Variants in ASIC4 observed in about 807,000 individuals in gnomAD.
ASIC4 encodes the protein acid sensing ion channel subunit family member 4.
Under a neutral mutation model 53.4 loss-of-function variants are expected in ASIC4, and 28 were observed. That is an observed-to-expected ratio of 0.52 (90% confidence interval 0.39 to 0.72). The LOEUF is 0.72. Among genes scored for constraint, ASIC4 ranks in the 30% least tolerant of loss-of-function variants. The pLI, the probability that ASIC4 is intolerant of heterozygous loss-of-function variation, is 0.00. For missense variants in ASIC4, 649 were observed against 729.7 expected (o/e 0.89, Z 1.27); for synonymous variants, 289 against 301.4 (o/e 0.96, Z 0.43).
intron 5 of ASIC4, among the ~76,000 whole-genome samples, chr2:219,534,788 TCCA>T (rs1695100249): frequency 1.3e-5 from 2 of 151,490 alleles, no homozygotes; most frequent in Admixed American, 6.6e-5. Context: ...CATCCATCCA[TCCA>T]TCCATCCATC....
At chr2:219,524,781 G>C (rs1694938732) in intron 1 of ASIC4, among the ~76,000 whole-genome samples, 1 of 152,214 alleles carries the variant, frequency 6.6e-6, no homozygotes, top group African/African-American at 2.4e-5. Flanking sequence ...CGCTGTGACA[G>C]AGCTCCATCC....
In ASIC4 at chr2:219,535,341, GT is replaced by G. The variant is rs141949099; in HGVS notation, c.1229+18del. 130,616 of 1,533,314 alleles carry G rather than the reference GT, an allele frequency of 0.085. 7,064 individuals are homozygous for G. The highest frequency in any genetic ancestry group is 0.11 in the African/African-American group (7,126 of 66,254). The allele number at this position is 1,533,314 out of a possible 1,614,324, so 95.0% of individuals were successfully genotyped here. ...CTACATACGGTATGTGTGTGTGTGT[GT>G]GGGGGGTGGCTGTGTGACTCTGTGT... On this transcript the variant is annotated intron_variant, in intron 6 of 9. Transcript: ENST00000358078.
Position 219,538,249 on chromosome 2 carries a change from T to G in ASIC4, c.*203T>G. Reference sequence around the variant, plus strand: ...TCCACACCCCTTATCCCCAGGCTGGTGCCCCGGGAGGGCTGGAGACCAGGC... The same window carrying G: ...TCCACACCCCTTATCCCCAGGCTGGGGCCCCGGGAGGGCTGGAGACCAGGC... On this transcript the variant is annotated 3_prime_UTR_variant, in exon 10 of 10. Coordinates refer to ENST00000358078, the MANE Select transcript of ASIC4 (RefSeq NM_018674.6). 9.2e-5 allele frequency: 50 copies of G among 544,188 alleles called. No homozygotes were observed. The highest frequency in any genetic ancestry group is 1.3e-4 in the East Asian group (4 of 30,050). The allele number at this position is 544,188 out of a possible 1,614,324, so 33.7% of individuals were successfully genotyped here.
upstream of ASIC4, among the ~76,000 whole-genome samples, chr2:219,510,422 T>G (rs2125648351): frequency 6.6e-6 from 1 of 152,256 alleles, no homozygotes; most frequent in African/African-American, 2.4e-5. This position sits in a 1 kb window ranked among gnomAD's most constrained non-coding sequence, Gnocchi z 5.2. Context: ...CTGTACCCCA[T>G]GCCCTTTGCC....
In ASIC4 at chr2:219,537,823, G is replaced by T; in HGVS notation, c.1506+87G>T. On this transcript the variant is annotated intron_variant, in intron 9 of 9. Transcript: ENST00000358078. This position sits in a 1 kb window ranked among gnomAD's most constrained non-coding sequence, Gnocchi z 4.9. The stretch of plus-strand genomic sequence containing the variant: ...CATTGTTTCTGAACCAGCCTGTGGA[G>T]GGGGCCCTGGAGCCTCTGCCCGAGG... 1 of 1,514,122 alleles carries T rather than the reference G, an allele frequency of 6.6e-7. No homozygotes were observed. Among genetic ancestry groups the T allele is most frequent in the Non-Finnish European group, 9.0e-7 (1 of 1,109,398 alleles). 93.8% of individuals were successfully genotyped at this position (1,514,122 alleles called of 1,614,324 possible).
At chr2:219,515,769 A>C (rs763708078) in intron 1 of ASIC4, among the ~76,000 whole-genome samples, 12 of 151,930 alleles carry the variant, frequency 7.9e-5, no homozygotes, top group Non-Finnish European at 5.9e-5. Flanking sequence ...CTAGGGAAGG[A>C]CCCCGGGTGG....
chr2:219,514,860 GCCAGCA>G lies in ASIC4; in HGVS notation c.145_150del (p.Ser49_Thr50del). On this transcript the variant is annotated inframe_deletion, in exon 1 of 10. Transcript: ENST00000358078. ...AGCCCCCCGAGACCTGGCCACCTTTGCCAGCACCAGCACCCTGCATGGACTGGGCCG... is the reference window on the plus strand; with the variant it reads ...AGCCCCCCGAGACCTGGCCACCTTTGCCAGCACCCTGCATGGACTGGGCCG... 1.2e-6 allele frequency: 2 copies of G among 1,612,862 alleles called. No individual in the cohort carries two copies.
chr2:219,532,707 T>G (rs892956724), intron 4 of ASIC4, 176 bp from the exon 5 acceptor site: 10 of 814,598 alleles, frequency 1.2e-5, no homozygotes, highest in Non-Finnish European at 1.9e-5. Flanking sequence ...TTTGTGTACG[T>G]GCATGCTCAT....
chr2:219,533,123 C>T, intron 5 of ASIC4, 184 bp downstream of exon 5: 1 of 664,808 alleles, frequency 1.5e-6, no homozygotes, highest in South Asian at 1.7e-5. Context: ...CAGGTACAGA[C>T]ACTTGGGTAA....
At chr2:219,531,649 C>G in intron 1 of ASIC4, 109 bp from the exon 2 acceptor site, 1 of 1,271,370 alleles carries the variant, frequency 7.9e-7, no homozygotes, top group East Asian at 2.3e-5. Flanking sequence ...GGATACGGGA[C>G]TGGAGTGTCC....
chr2:219,532,863 A>G lies in ASIC4; in HGVS notation c.1019-20A>G, dbSNP rs1223283576. 2 of 1,608,376 alleles carry G rather than the reference A, an allele frequency of 1.2e-6. No homozygotes were observed. Among genetic ancestry groups the G allele is most frequent in the Admixed American group, 3.3e-5 (2 of 59,864 alleles). On this transcript the variant is annotated intron_variant, in intron 4 of 9. Transcript: ENST00000358078. ...GGGGAAGTGATCGTAGATTCCAGGA[A>G]TAATCTTCTCTCCTTTCAGGCAATG...
chr2:219,507,526 A>G, the ASIC4 span, among the ~76,000 whole-genome samples: 1 of 152,146 alleles, frequency 6.6e-6, no homozygotes, highest in East Asian at 1.9e-4. Flanking sequence ...AGCTGGTGCC[A>G]TTCTCTTCGG....
intron 5 of ASIC4, among the ~76,000 whole-genome samples, chr2:219,534,582 C>A (rs1443901107): frequency 1.3e-5 from 2 of 152,128 alleles, no homozygotes; most frequent in African/African-American, 4.8e-5. Context: ...GAACCCAAAG[C>A]CAGAGGACAA....
intron 1 of ASIC4, among the ~76,000 whole-genome samples, chr2:219,515,725 A>T (rs1286297930): frequency 1.3e-5 from 2 of 152,136 alleles, no homozygotes; most frequent in Non-Finnish European, 2.9e-5. Flanking sequence ...CACCAAACGA[A>T]GGAGATAGGG....
chr2:219,531,793 C>A lies in ASIC4; in HGVS notation c.618C>A (p.Asn206Lys), dbSNP rs148269786. The A allele has an allele frequency of 8.7e-6, 14 of 1,612,174 alleles. No homozygotes were observed. The highest frequency in any genetic ancestry group is 1.0e-5 in the Non-Finnish European group (12 of 1,179,162). ...GCTATGGGAAGTGTTACACCTTCAACGCGGACCCGCGGAGCTCGCTGCCCA... is the reference window on the plus strand; with the variant it reads ...GCTATGGGAAGTGTTACACCTTCAAAGCGGACCCGCGGAGCTCGCTGCCCA... ...YTRYGKCYTF[N>K]ADPRSSLPSR... The change falls in exon 2 of 10, where the codon AAC becomes AAA. Residue 206 changes from asparagine to lysine, a missense_variant. Transcript: ENST00000358078.
upstream of ASIC4, among the ~76,000 whole-genome samples, chr2:219,509,281 C>G (rs755449008): frequency 6.7e-6 from 1 of 149,744 alleles, no homozygotes; most frequent in Non-Finnish European, 1.5e-5. This position sits in a 1 kb window ranked among gnomAD's most constrained non-coding sequence, Gnocchi z 5.2. Flanking sequence ...TGCATCCGCA[C>G]GGAGCACAGC....
rs1209108885 is a variant in ASIC4, at chr2:219,537,358, C to A, written c.1401+37C>A. 1.3e-6 allele frequency: 2 copies of A among 1,592,212 alleles called. No individual in the cohort carries two copies. The highest frequency in any genetic ancestry group is 2.7e-5 in the African/African-American group (2 of 74,702). ...GGAGAAGGCAGGGTGGGAGTGGGGG[C>A]CGTGGGCAAAGCAGAAGGGGGCAGT... On this transcript the variant is annotated intron_variant, in intron 8 of 9. Coordinates refer to ENST00000358078, the MANE Select transcript of ASIC4 (RefSeq NM_018674.6). The surrounding 1 kb of genome is among the most constrained non-coding windows in gnomAD (Gnocchi z 4.9).
At chr2:219,519,462 C>T (rs1216161446) in intron 1 of ASIC4, among the ~76,000 whole-genome samples, 1 of 152,224 alleles carries the variant, frequency 6.6e-6, no homozygotes, top group Non-Finnish European at 1.5e-5. Context: ...CTGCCCTGTA[C>T]TAGCATTTCC....
rs148631476 is a variant in ASIC4, at chr2:219,535,306, G to T, written c.1211G>T (p.Arg404Leu). ...SARYLARKYN[R>L]NETYIRENFL... Reference sequence around the variant, plus strand: ...CGGTACCTGGCGAGGAAGTACAACCGCAACGAGACCTACATACGGTATGTG... The same window carrying T: ...CGGTACCTGGCGAGGAAGTACAACCTCAACGAGACCTACATACGGTATGTG... The change falls in exon 6 of 10, where the codon CGC (arginine) becomes CTC (leucine). Residue 404 changes from arginine (R) to leucine (L), a missense_variant. Physicochemically the swap from Arg to Leu is moderately radical, Grantham distance 102. Coordinates refer to ENST00000358078, the MANE Select transcript of ASIC4 (RefSeq NM_018674.6). 8 of 1,606,666 alleles carry T rather than the reference G, an allele frequency of 5.0e-6. No individual in the cohort carries two copies. Among genetic ancestry groups the T allele is most frequent in the African/African-American group, 4.0e-5 (3 of 74,474 alleles).
Sources: gnomAD v4.1 joint callset for allele counts (sites outside exome capture counted in the v4.1 genomes callset) on GRCh38, gnomAD v4.1.1 for gene constraint, Gnocchi (gnomAD v3.1) non-coding constraint, MANE v1.5 for transcripts, NCBI Gene and HGNC (gene_info 2026-07-23, HGNC 2026-07-21) for gene names.